The following CTNNA3 variants were observed in gnomAD, a reference collection of about 807,000 sequenced individuals.
CTNNA3 encodes the protein catenin alpha-3.
Under a neutral mutation model 95.7 loss-of-function variants are expected in CTNNA3, and 76 were observed. That is an observed-to-expected ratio of 0.79 (90% CI 0.66 to 0.96). The LOEUF (loss-of-function observed/expected upper bound fraction) is 0.96. CTNNA3 is among the 40% of genes least tolerant of loss of function. The probability of loss-of-function intolerance (pLI) is 0.00; values close to 1 mark genes in which losing one functional copy is unlikely to be tolerated. For synonymous variants in CTNNA3, 431 were observed against 374.4 expected (o/e 1.15, Z -1.74); for missense variants, 1,191 against 1,089.8 (o/e 1.09, Z -1.31).
chr10:67,280,720 C>T (rs529656682), intron 5 of CTNNA3, among the ~76,000 whole-genome samples: 2 of 152,214 alleles, frequency 1.3e-5, no homozygotes, highest in South Asian at 4.1e-4. Context: ...TGCAGGTTCC[C>T]TTATCTGCCT....
intron 7 of CTNNA3, among the ~76,000 whole-genome samples, chr10:66,884,245 A>G (rs1037436009): frequency 1.3e-5 from 2 of 151,858 alleles, no homozygotes; most frequent in African/African-American, 4.8e-5. Flanking sequence ...TTTAAAGGGG[A>G]AAAAACACCG....
chr10:66,591,161 T>C (rs1345251962), intron 10 of CTNNA3, among the ~76,000 whole-genome samples: 1 of 152,170 alleles, frequency 6.6e-6, no homozygotes, highest in Non-Finnish European at 1.5e-5. Flanking sequence ...TAGAATTGTT[T>C]ATAATTGCCC....
At chr10:66,489,858 T>C (rs1001537760) in intron 11 of CTNNA3, among the ~76,000 whole-genome samples, 1 of 152,230 alleles carries the variant, frequency 6.6e-6, no homozygotes, top group African/African-American at 2.4e-5. Flanking sequence ...CATCACCTAC[T>C]GGTCCAACTT....
intron 10 of CTNNA3, among the ~76,000 whole-genome samples, chr10:66,580,503 C>G (rs1843149611): frequency 6.6e-6 from 1 of 151,706 alleles, no homozygotes; most frequent in Non-Finnish European, 1.5e-5. Flanking sequence ...ATTGTTCATT[C>G]ATTTTTATGA....
At chr10:67,704,497 G>A (rs1476279060) in intron 1 of CTNNA3, among the ~76,000 whole-genome samples, 3 of 152,122 alleles carry the variant, frequency 2.0e-5, no homozygotes, top group Non-Finnish European at 4.4e-5. Context: ...TCTGATCTTT[G>A]ACAAACCTGA....
chr10:65,923,524 C>A (rs889499479), intron 17 of CTNNA3, among the ~76,000 whole-genome samples: 2 of 152,156 alleles, frequency 1.3e-5, no homozygotes, highest in Admixed American at 1.3e-4. Context: ...CAGATGCATT[C>A]AAAAATGCTA....
At chr10:66,705,838 T>C (rs1392618547) in intron 9 of CTNNA3, among the ~76,000 whole-genome samples, 2 of 152,106 alleles carry the variant, frequency 1.3e-5, no homozygotes, top group Non-Finnish European at 2.9e-5. Context: ...CCCAACTATA[T>C]CTTCCTACCT....
At chr10:66,697,418 GA>G (rs35710797) in intron 9 of CTNNA3, among the ~76,000 whole-genome samples, 1 of 150,848 alleles carries the variant, frequency 6.6e-6, no homozygotes, top group Non-Finnish European at 1.5e-5. Context: ...TAAACTTTGG[GA>G]AAAAAATTTA....
intron 7 of CTNNA3, among the ~76,000 whole-genome samples, chr10:66,986,953 C>T (rs1358684827): frequency 6.6e-6 from 1 of 152,126 alleles, no homozygotes; most frequent in African/African-American, 2.4e-5. Flanking sequence ...GAGTCAAGGT[C>T]ACATCGTCAG....
At chr10:67,640,289 A>G (rs1312322658) in intron 2 of CTNNA3, among the ~76,000 whole-genome samples, 2 of 152,284 alleles carry the variant, frequency 1.3e-5, no homozygotes, top group African/African-American at 4.8e-5. Context: ...TAGGAATCCA[A>G]CTTACAAGGG....
intron 15 of CTNNA3, among the ~76,000 whole-genome samples, chr10:66,027,485 G>C (rs2079365382): frequency 1.3e-5 from 2 of 152,184 alleles, no homozygotes; most frequent in Non-Finnish European, 2.9e-5. Flanking sequence ...CATTGAATAG[G>C]CTATGCCAGA....
At chr10:66,168,806 GC>G (rs1370766021) in intron 13 of CTNNA3, among the ~76,000 whole-genome samples, 16 of 152,038 alleles carry the variant, frequency 1.1e-4, no homozygotes, top group African/African-American at 3.9e-4. Context: ...ATCTAGACTA[GC>G]AATTGGCAGC....
At chr10:66,796,339 G>A (rs1841188963) in intron 7 of CTNNA3, among the ~76,000 whole-genome samples, 1 of 152,156 alleles carries the variant, frequency 6.6e-6, no homozygotes, top group East Asian at 1.9e-4. Context: ...CAAGCCTCCA[G>A]GAGAAGGACA....
chr10:66,942,098 C>T (rs144395591), intron 7 of CTNNA3, among the ~76,000 whole-genome samples: 1 of 152,212 alleles, frequency 6.6e-6, no homozygotes, highest in East Asian at 1.9e-4. Flanking sequence ...CATGTCCCAG[C>T]ACAATTTTGA....
At chr10:67,042,158 T>C (rs1854433935) in intron 7 of CTNNA3, among the ~76,000 whole-genome samples, 1 of 152,152 alleles carries the variant, frequency 6.6e-6, no homozygotes, top group Non-Finnish European at 1.5e-5. Flanking sequence ...AAATGTGTTT[T>C]ATGTATACAT....
intron 12 of CTNNA3, among the ~76,000 whole-genome samples, chr10:66,347,603 G>A (rs1190072454): frequency 1.3e-5 from 2 of 151,404 alleles, no homozygotes; most frequent in East Asian, 3.9e-4. Context: ...GACAGAGTGA[G>A]AACCTATCTT....
At chr10:67,740,108 T>A (rs1394588131) in intron 1 of CTNNA3, among the ~76,000 whole-genome samples, 2 of 152,166 alleles carry the variant, frequency 1.3e-5, no homozygotes, top group African/African-American at 2.4e-5. Flanking sequence ...TAGCCATATG[T>A]AGAAAGTTGA....
chr10:66,278,617 T>C (rs10997033), intron 13 of CTNNA3, among the ~76,000 whole-genome samples: 12,663 of 152,084 alleles, frequency 0.083, 1,593 homozygotes, highest in African/African-American at 0.27. Context: ...GCTATCTTGA[T>C]AATGAGGAAA....
chr10:66,989,325 C>G (rs1850910644), intron 7 of CTNNA3, among the ~76,000 whole-genome samples: 1 of 152,058 alleles, frequency 6.6e-6, no homozygotes, highest in African/African-American at 2.4e-5. Context: ...AACTTATTCC[C>G]TAAAAGTCCA....
Sources: allele counts gnomAD v4.1 joint callset (sites outside exome capture counted in the v4.1 genomes callset), GRCh38; gene constraint gnomAD v4.1.1; transcripts MANE v1.5; gene names NCBI Gene and HGNC (gene_info 2026-07-23, HGNC 2026-07-21).